Variants in SH3RF3 observed in about 807,000 individuals in gnomAD.
SH3RF3 encodes the protein SH3 domain containing ring finger 3.
In SH3RF3, 29 loss-of-function variants were observed where a neutral mutation model predicts 66.3. The observed-to-expected ratio is 0.44, with a 90% CI of 0.33 to 0.60. SH3RF3 has a LOEUF of 0.60. SH3RF3 is among the 20% of genes least tolerant of loss of function. The pLI is 0.04. For synonymous variants in SH3RF3, 583 were observed against 532.0 expected (o/e 1.10, Z -1.32); for missense variants, 1,194 against 1,190.9 (o/e 1.00, Z -0.04).
At chr2:109,406,637 G>A (rs937157034) in intron 4 of SH3RF3, among the ~76,000 whole-genome samples, 3 of 152,082 alleles carry the variant, frequency 2.0e-5, no homozygotes, top group Admixed American at 6.5e-5. Context: ...TATATCATCC[G>A]CAGCTGTTTT....
chr2:109,252,099 C>T (rs1487415803), intron 1 of SH3RF3, among the ~76,000 whole-genome samples: 7 of 130,144 alleles, frequency 5.4e-5, no homozygotes, highest in African/African-American at 2.1e-4. Context: ...ATACAAATAG[C>T]TGAGTGGGGT....
At chr2:109,400,585 ACAC>A (rs1349810946) in intron 4 of SH3RF3, among the ~76,000 whole-genome samples, 1 of 151,802 alleles carries the variant, frequency 6.6e-6, no homozygotes, top group Admixed American at 6.6e-5. Context: ...GCACACACAC[ACAC>A]ACTTGTGAAC....
intron 3 of SH3RF3, among the ~76,000 whole-genome samples, chr2:109,380,026 T>A (rs999924420): frequency 2.6e-5 from 4 of 152,140 alleles, no homozygotes; most frequent in Non-Finnish European, 5.9e-5. Flanking sequence ...TAAATGAGTG[T>A]AAAGAAATGA....
intron 1 of SH3RF3, among the ~76,000 whole-genome samples, chr2:109,173,339 C>G (rs372064411): frequency 1.3e-5 from 2 of 152,102 alleles, no homozygotes; most frequent in African/African-American, 4.8e-5. Context: ...GTGCTCTGCC[C>G]GTTATCAACC....
At chr2:109,464,805 T>A (rs990818656) in intron 8 of SH3RF3, among the ~76,000 whole-genome samples, 8 of 152,220 alleles carry the variant, frequency 5.3e-5, no homozygotes, top group Admixed American at 4.6e-4. Context: ...CTGATGAACC[T>A]ACCTTGACAC....
chr2:109,216,706 G>C (rs899523420), intron 1 of SH3RF3, among the ~76,000 whole-genome samples: 2 of 152,172 alleles, frequency 1.3e-5, no homozygotes, highest in African/African-American at 4.8e-5. Context: ...GAAACTGTGG[G>C]GTCACATGCT....
intron 1 of SH3RF3, among the ~76,000 whole-genome samples, chr2:109,198,079 T>G (rs1200415314): frequency 6.6e-6 from 1 of 152,150 alleles, no homozygotes. Context: ...CAGTTGGGGG[T>G]GCTCGGGAGT....
At chr2:109,316,161 G>A (rs148603121) in intron 1 of SH3RF3, among the ~76,000 whole-genome samples, 1 of 152,328 alleles carries the variant, frequency 6.6e-6, no homozygotes, top group African/African-American at 2.4e-5. Context: ...GGTGTTCAGA[G>A]CTGGTTTTGC....
intron 2 of SH3RF3, among the ~76,000 whole-genome samples, chr2:109,351,390 C>T (rs1310375095): frequency 6.6e-6 from 1 of 152,242 alleles, no homozygotes; most frequent in Non-Finnish European, 1.5e-5. Flanking sequence ...CTGAGAACCA[C>T]ATGATATAAA....
intron 5 of SH3RF3, among the ~76,000 whole-genome samples, chr2:109,420,473 T>C (rs976367658): frequency 9.9e-5 from 15 of 152,138 alleles, no homozygotes; most frequent in Non-Finnish European, 2.1e-4. Flanking sequence ...TGAGATGGAG[T>C]CTTGCTCTGT....
Position 109,428,398 on chromosome 2 carries a change from G to A in SH3RF3, c.1404-4103G>A, listed in dbSNP as rs562537732. On this transcript the variant is annotated intron_variant, in intron 5 of 9. Coordinates refer to ENST00000309415, the MANE Select transcript of SH3RF3 (RefSeq NM_001099289.3). ...AGTATGGGTAAGCGAAGGCTGTGCT[G>A]TTAGTTTCAACAGGCTGCACGTGAA... is the stretch of plus-strand genomic sequence containing the variant. 5.3e-5 allele frequency among the ~76,000 whole-genome samples: 8 copies of A among 152,366 alleles called. No individual in the cohort carries two copies. The East Asian group carries it at 1.4e-3, about 26-fold the overall frequency.
chr2:109,211,970 T>C (rs1432530485), intron 1 of SH3RF3, among the ~76,000 whole-genome samples: 2 of 152,214 alleles, frequency 1.3e-5, no homozygotes, highest in Admixed American at 6.5e-5. Flanking sequence ...TACCTCTTTC[T>C]AGAAACCTGA....
chr2:109,391,089 G>C (rs1675978844), intron 3 of SH3RF3, among the ~76,000 whole-genome samples: 1 of 152,224 alleles, frequency 6.6e-6, no homozygotes, highest in South Asian at 2.1e-4. Flanking sequence ...ATAAGAGGGG[G>C]CTGAAATGAA....
intron 1 of SH3RF3, among the ~76,000 whole-genome samples, chr2:109,136,432 C>G (rs1676816327): frequency 6.6e-6 from 1 of 152,106 alleles, no homozygotes; most frequent in African/African-American, 2.4e-5. Context: ...AAGGTATTGG[C>G]AACAGTGAAT....
At chr2:109,340,081 C>T (rs771920246) in intron 1 of SH3RF3, among the ~76,000 whole-genome samples, 5 of 152,090 alleles carry the variant, frequency 3.3e-5, no homozygotes, top group Non-Finnish European at 5.9e-5. Context: ...ATCGGGTTAT[C>T]GGGAGTGTCT....
intron 5 of SH3RF3, among the ~76,000 whole-genome samples, chr2:109,426,042 C>T (rs946674931): frequency 1.5e-4 from 23 of 152,258 alleles, no homozygotes; most frequent in Admixed American, 2.0e-4. Context: ...GGATTACAGG[C>T]GCATGCCACC....
intron 1 of SH3RF3, among the ~76,000 whole-genome samples, chr2:109,262,354 C>T (rs971239328): frequency 2.6e-5 from 4 of 152,148 alleles, no homozygotes; most frequent in Admixed American, 2.6e-4. Flanking sequence ...TTTCACTGTA[C>T]CTGGGGGCAG....
intron 1 of SH3RF3, among the ~76,000 whole-genome samples, chr2:109,283,635 G>A (rs901563490): frequency 1.3e-5 from 2 of 152,202 alleles, no homozygotes; most frequent in African/African-American, 4.8e-5. Flanking sequence ...GAGCTGTACT[G>A]TACTGTGATT....
rs1053612273 is a variant in SH3RF3, at chr2:109,449,768, T to C, written c.2148+279T>C. Among the ~76,000 whole-genome samples, 4 of 152,238 alleles carry C rather than the reference T, an allele frequency of 2.6e-5. 1 individual carries two copies. Among genetic ancestry groups the C allele is most frequent in the Admixed American group, 2.0e-4 (3 of 15,288 alleles). The stretch of plus-strand genomic sequence containing the variant: ...AAGGTGTCCCCTCTTGAAAATGCCT[T>C]AGTTCCATCTGTTGTAAAATCATTG... On this transcript the variant is annotated intron_variant, in intron 8 of 9. Coordinates refer to ENST00000309415, the MANE Select transcript of SH3RF3 (RefSeq NM_001099289.3).
Sources: allele counts gnomAD v4.1 joint callset (sites outside exome capture counted in the v4.1 genomes callset), GRCh38; gene constraint gnomAD v4.1.1; transcripts MANE v1.5; gene names NCBI Gene and HGNC (gene_info 2026-07-23, HGNC 2026-07-21).